DYNLT2B: variants seen among roughly 807,000 people sequenced by gnomAD.
DYNLT2B encodes the protein dynein light chain Tctex-type protein 2B.
Under a neutral mutation model 19.5 loss-of-function variants are expected in DYNLT2B, and 14 were observed. The ratio of observed to expected loss-of-function variants is 0.72; its 90% CI spans 0.47 to 1.12. The LOEUF (loss-of-function observed/expected upper bound fraction) is 1.12, where lower values mean the gene tolerates loss of function less well. Among genes scored for constraint, DYNLT2B ranks in the 50% most tolerant of loss-of-function variants. DYNLT2B has a pLI of 0.00. For synonymous variants in DYNLT2B, 70 were observed against 59.7 expected (o/e 1.17, Z -0.79); for missense variants, 133 against 174.7 (o/e 0.76, Z 1.35).
chr3:196,307,124 A>T (rs770687225), intron 2 of DYNLT2B, 112 bp from the exon 3 acceptor site: 6 of 866,356 alleles, frequency 6.9e-6, no homozygotes, highest in Non-Finnish European at 1.1e-5. Context: ...TACTTAATGA[A>T]TATGGTGGTA....
chr3:196,310,619 G>A (rs1404898318), intron 2 of DYNLT2B, among the ~76,000 whole-genome samples: 2 of 150,486 alleles, frequency 1.3e-5, no homozygotes, highest in African/African-American at 2.5e-5. Context: ...GTAGAGACAC[G>A]GTTTCACCAT....
In DYNLT2B at chr3:196,301,623, G is replaced by T. The variant is rs147514695; in HGVS notation, c.317+5320C>A. Among the ~76,000 whole-genome samples the T allele has an allele frequency of 2.6e-5, 4 of 152,236 alleles. No individual in the cohort carries two copies. In the East Asian group the frequency reaches 7.7e-4, roughly 29 times the overall value. ...AATTACTCGGGAGGCTGAGGCAGGAGAATTGCTTGAACCTGGAAGGTGGAG... is the reference window on the plus strand; with the variant it reads ...AATTACTCGGGAGGCTGAGGCAGGATAATTGCTTGAACCTGGAAGGTGGAG... On this transcript the variant is annotated intron_variant, in intron 3 of 4. Coordinates refer to ENST00000325318, the MANE Select transcript of DYNLT2B (RefSeq NM_152773.5).
intron 3 of DYNLT2B, among the ~76,000 whole-genome samples, chr3:196,303,976 T>G (rs1726419662): frequency 1.3e-5 from 2 of 152,132 alleles, no homozygotes; most frequent in Admixed American, 6.6e-5. Flanking sequence ...TGAGCCACGG[T>G]TGCACCACTG....
intron 2 of DYNLT2B, among the ~76,000 whole-genome samples, chr3:196,310,019 T>C (rs1302469640): frequency 6.6e-6 from 1 of 152,066 alleles, no homozygotes; most frequent in Non-Finnish European, 1.5e-5. Flanking sequence ...AACGAAGAGT[T>C]ATTCCTCACA....
chr3:196,308,748 A>T (rs1726556030), intron 2 of DYNLT2B, among the ~76,000 whole-genome samples: 2 of 152,242 alleles, frequency 1.3e-5, no homozygotes, highest in Admixed American at 1.3e-4. Flanking sequence ...GTAAAGACAG[A>T]GTCCAAGTTA....
chr3:196,316,814 G>A lies in DYNLT2B; in HGVS notation c.114-583C>T, dbSNP rs117073433. Among the ~76,000 whole-genome samples, 657 of 150,954 alleles carry A rather than the reference G, an allele frequency of 4.4e-3. 13 individuals are homozygous for A. In the South Asian group the frequency reaches 0.07, roughly 16 times the overall value. ...TGCCAAGCAAATATGGGGTGTGTGT[G>A]TGTGTGTAAAGTTAGTGATCTTACA... On this transcript the variant is annotated intron_variant, in intron 1 of 4. Transcript: ENST00000325318.
intron 3 of DYNLT2B, among the ~76,000 whole-genome samples, chr3:196,296,641 T>C (rs1170606669): frequency 2.0e-5 from 3 of 152,102 alleles, no homozygotes; most frequent in Non-Finnish European, 4.4e-5. Context: ...AAATGCCCAA[T>C]AGGACTGGAT....
At chr3:196,317,030 G>C (rs1274721632) in intron 1 of DYNLT2B, among the ~76,000 whole-genome samples, 1 of 123,046 alleles carries the variant, frequency 8.1e-6, no homozygotes, top group Non-Finnish European at 1.6e-5. Context: ...CAGTGTGTGT[G>C]TGTGTGTGTG....
At chr3:196,309,209 A>C (rs943903345) in intron 2 of DYNLT2B, among the ~76,000 whole-genome samples, 1 of 152,196 alleles carries the variant, frequency 6.6e-6, no homozygotes, top group Non-Finnish European at 1.5e-5. Flanking sequence ...TAAGGCCAGA[A>C]GTTCAAGACC....
intron 4 of DYNLT2B, among the ~76,000 whole-genome samples, chr3:196,294,685 G>A (rs866383122): frequency 1.8e-4 from 27 of 152,072 alleles, no homozygotes; most frequent in African/African-American, 6.0e-4. Context: ...ATTAGAAAGT[G>A]ACAGAACTGG....
chr3:196,318,240 C>A lies in DYNLT2B; in HGVS notation c.-88G>T, dbSNP rs1726949027. ...GGCAGCAGGGAAAGCGTCTCCAGGG[C>A]AACAGGGCCGCCCTCCCGCCTCGCT... On this transcript the variant is annotated 5_prime_UTR_variant, in exon 1 of 5. Coordinates refer to ENST00000325318, the MANE Select transcript of DYNLT2B (RefSeq NM_152773.5). 10 of 673,994 alleles carry A rather than the reference C, an allele frequency of 1.5e-5. No homozygotes were observed. The highest frequency in any genetic ancestry group is 1.2e-4 in the South Asian group (5 of 41,056). 41.8% of individuals were successfully genotyped at this position (673,994 alleles called of 1,614,324 possible).
intron 4 of DYNLT2B, 53 bp downstream of exon 4, chr3:196,295,953 T>C (rs1726210721): frequency 2.1e-6 from 3 of 1,461,008 alleles, no homozygotes; most frequent in African/African-American, 2.8e-5. Flanking sequence ...AATAGTTTGA[T>C]TTGCGGTGCC....
At chr3:196,291,549 GCTCA>G (rs1462873450) in intron 4 of DYNLT2B, among the ~76,000 whole-genome samples, 175 bp from the exon 5 acceptor site, 1 of 152,062 alleles carries the variant, frequency 6.6e-6, no homozygotes, top group African/African-American at 2.4e-5. Flanking sequence ...TGTGATCTCA[GCTCA>G]CTGCAGCCTC....
chr3:196,306,247 C>CG (rs1560189877), intron 3 of DYNLT2B, among the ~76,000 whole-genome samples: 2 of 104,582 alleles, frequency 1.9e-5, no homozygotes, highest in Admixed American at 9.2e-5. Flanking sequence ...CCCATCTCTG[C>CG]AAAAAAAAAA....
chr3:196,307,579 A>T (rs1024144251), intron 2 of DYNLT2B, among the ~76,000 whole-genome samples: 2 of 152,072 alleles, frequency 1.3e-5, no homozygotes, highest in African/African-American at 4.8e-5. Flanking sequence ...CTGGGATTAC[A>T]GGCGTGAGCC....
chr3:196,311,460 A>G (rs1209838831), intron 2 of DYNLT2B, among the ~76,000 whole-genome samples: 1 of 151,950 alleles, frequency 6.6e-6, no homozygotes, highest in Non-Finnish European at 1.5e-5. Flanking sequence ...AATATAGAAG[A>G]CAAAGATGGC....
chr3:196,317,154 AGTGTGTGTGT>A (rs199908321), intron 1 of DYNLT2B, among the ~76,000 whole-genome samples: 2 of 34,918 alleles, frequency 5.7e-5, no homozygotes, highest in South Asian at 1.4e-3. Flanking sequence ...ATTTTTTTTC[AGTGTGTGTGT>A]GTGTGTGTGT....
chr3:196,312,300 G>A (rs1013169566), intron 2 of DYNLT2B, among the ~76,000 whole-genome samples: 3 of 152,140 alleles, frequency 2.0e-5, no homozygotes, highest in African/African-American at 4.8e-5. Flanking sequence ...ATACAGGCGT[G>A]AGCCACCACG....
chr3:196,299,236 C>G (rs181881505), intron 3 of DYNLT2B, among the ~76,000 whole-genome samples: 1 of 152,150 alleles, frequency 6.6e-6, no homozygotes, highest in East Asian at 1.9e-4. Flanking sequence ...AGGCACCCAC[C>G]ACCACGCCCG....
Sources: gnomAD v4.1 joint callset for allele counts (sites outside exome capture counted in the v4.1 genomes callset) on GRCh38, gnomAD v4.1.1 for gene constraint, MANE v1.5 for transcripts, NCBI Gene and HGNC (gene_info 2026-07-23, HGNC 2026-07-21) for gene names.